NKAIN2: variants seen among roughly 807,000 people sequenced by gnomAD.
NKAIN2 encodes the protein sodium/potassium transporting ATPase interacting 2, also known as sodium/potassium-transporting ATPase subunit beta-1-interacting protein 2.
NKAIN2 carries 14 observed loss-of-function variants against 32.6 expected under a neutral mutation model. The observed-to-expected ratio is 0.43, with a 90% confidence interval of 0.28 to 0.67. The LOEUF is 0.67. Ranked by LOEUF, NKAIN2 falls within the 30% of genes least tolerant of loss-of-function variation. The probability of loss-of-function intolerance (pLI) is 0.17; values close to 1 mark genes in which losing one functional copy is unlikely to be tolerated. For synonymous variants in NKAIN2, 80 were observed against 87.2 expected, an observed-to-expected ratio of 0.92 and a Z score of 0.46; for missense variants, 198 against 258.3, an observed-to-expected ratio of 0.77 and a Z score of 1.60.
chr6:124,658,621 T>A, intron 4 of NKAIN2: 1 of 1,023,794 alleles, frequency 9.8e-7, no homozygotes, highest in Non-Finnish European at 1.4e-6. Flanking sequence ...GCATTTTACA[T>A]AGGAAATCCA....
In NKAIN2 at chr6:124,431,954, C is replaced by T. The variant is rs1259704738; in HGVS notation, c.273+76607C>T. On this transcript the variant is annotated intron_variant, in intron 3 of 6. Coordinates refer to ENST00000368417, the MANE Select transcript of NKAIN2 (RefSeq NM_001040214.3). Reference sequence around the variant, plus strand: ...GAAATATATCTGTAAAGGCCAGAATCGTTGTTCAGAAAGAAGACTTTGGGA... The same window carrying T: ...GAAATATATCTGTAAAGGCCAGAATTGTTGTTCAGAAAGAAGACTTTGGGA... Among the ~76,000 whole-genome samples, 7 of 152,094 alleles carry T rather than the reference C, an allele frequency of 4.6e-5. No homozygotes were observed. The East Asian group carries it at 7.7e-4, about 17-fold the overall frequency.
intron 5 of NKAIN2, among the ~76,000 whole-genome samples, chr6:124,807,797 G>A (rs1582559513): frequency 6.6e-6 from 1 of 150,546 alleles, no homozygotes; most frequent in Admixed American, 6.7e-5. Flanking sequence ...AATGATAAAG[G>A]GGATATCACC....
At chr6:123,858,993 T>C (rs1775671817) in intron 1 of NKAIN2, among the ~76,000 whole-genome samples, 1 of 152,326 alleles carries the variant, frequency 6.6e-6, no homozygotes, top group East Asian at 1.9e-4. Flanking sequence ...GTGTGTTTCA[T>C]TATATATGTG....
At position 124,517,911 on chromosome 6, in the gene NKAIN2, T is replaced by C. The variant is rs144154041; in HGVS notation, c.274-140275T>C. Reference sequence around the variant, plus strand: ...AGCTTTCTAGGAGATGTAAGTAACATTTGATTTGAAGTAATTTAAACCTTC... The same window carrying C: ...AGCTTTCTAGGAGATGTAAGTAACACTTGATTTGAAGTAATTTAAACCTTC... On this transcript the variant is annotated intron_variant, in intron 3 of 6. Transcript: ENST00000368417. 2.2e-3 allele frequency among the ~76,000 whole-genome samples: 329 copies of C among 152,230 alleles called. 2 individuals are homozygous for C. Among genetic ancestry groups the C allele is most frequent in the African/African-American group, 6.6e-3 (275 of 41,568 alleles).
chr6:124,640,478 A>G (rs1783943900), intron 3 of NKAIN2, among the ~76,000 whole-genome samples: 1 of 152,168 alleles, frequency 6.6e-6, no homozygotes, highest in Admixed American at 6.5e-5. Context: ...CAAAGCTCTT[A>G]GGGAAAGGAA....
intron 1 of NKAIN2, among the ~76,000 whole-genome samples, chr6:123,858,357 C>A (rs1254034144): frequency 6.6e-6 from 1 of 152,138 alleles, no homozygotes; most frequent in East Asian, 1.9e-4. Flanking sequence ...CTCAGGTGAT[C>A]TGCCCGCCTC....
intron 3 of NKAIN2, among the ~76,000 whole-genome samples, chr6:124,417,740 G>T (rs1016093665): frequency 6.6e-6 from 1 of 152,108 alleles, no homozygotes; most frequent in Non-Finnish European, 1.5e-5. Flanking sequence ...GAACAATGCT[G>T]TTTCCTCTGT....
At chr6:124,520,487 T>G (rs1779080895) in intron 3 of NKAIN2, among the ~76,000 whole-genome samples, 1 of 152,192 alleles carries the variant, frequency 6.6e-6, no homozygotes, top group Non-Finnish European at 1.5e-5. Context: ...ATTGAGGAAT[T>G]TATTTCAAAA....
chr6:123,859,826 G>C (rs1775711715), intron 1 of NKAIN2, among the ~76,000 whole-genome samples: 3 of 152,198 alleles, frequency 2.0e-5, no homozygotes, highest in Admixed American at 6.5e-5. Context: ...GAGTAGCTGG[G>C]ATTACAGGCA....
At chr6:124,568,424 C>T (rs1157332979) in intron 3 of NKAIN2, among the ~76,000 whole-genome samples, 1 of 152,106 alleles carries the variant, frequency 6.6e-6, no homozygotes, top group Non-Finnish European at 1.5e-5. Context: ...AAACATTTTA[C>T]ATATATCATA....
chr6:124,150,429 T>C (rs940288100), intron 1 of NKAIN2, among the ~76,000 whole-genome samples: 3 of 152,142 alleles, frequency 2.0e-5, no homozygotes, highest in African/African-American at 4.8e-5. Flanking sequence ...ATGCATGTAT[T>C]ATTTTATAAA....
intron 1 of NKAIN2, among the ~76,000 whole-genome samples, chr6:124,012,422 G>A (rs1022652608): frequency 2.1e-5 from 3 of 143,032 alleles, no homozygotes; most frequent in Admixed American, 7.5e-5. Context: ...TGCAAGCTCC[G>A]CCTCCCAGGT....
At chr6:124,073,158 T>A (rs1172040763) in intron 1 of NKAIN2, among the ~76,000 whole-genome samples, 1 of 152,200 alleles carries the variant, frequency 6.6e-6, no homozygotes, top group African/African-American at 2.4e-5. Context: ...ACTCTGAAGC[T>A]TGGATGGGCG....
chr6:123,804,003 G>T lies in NKAIN2; in HGVS notation c.-198G>T. On this transcript the variant is annotated 5_prime_UTR_variant, in exon 1 of 7. Transcript: ENST00000368417. ...AAGGTATGTGTGGCGGGCGCGGCTG[G>T]AGCTGCCGCCGCCGCCGCCGCCGCG... The T allele has an allele frequency of 3.3e-6, 2 of 597,762 alleles. No individual in the cohort carries two copies. Among genetic ancestry groups the T allele is most frequent in the South Asian group, 3.9e-5 (2 of 51,892 alleles). The allele number at this position is 597,762 out of a possible 1,614,324, so 37.0% of individuals were successfully genotyped here.
At chr6:124,128,163 A>G (rs1192973381) in intron 1 of NKAIN2, among the ~76,000 whole-genome samples, 4 of 151,892 alleles carry the variant, frequency 2.6e-5, no homozygotes, top group Admixed American at 2.6e-4. Flanking sequence ...CAGTTGGGAG[A>G]CCTGACAGTC....
chr6:124,768,569 A>G (rs1286500827), intron 4 of NKAIN2, among the ~76,000 whole-genome samples: 1 of 152,166 alleles, frequency 6.6e-6, no homozygotes, highest in Non-Finnish European at 1.5e-5. Flanking sequence ...CCTAAGCTAA[A>G]AATGCAATAT....
chr6:124,012,556 G>C (rs187183562), intron 1 of NKAIN2, among the ~76,000 whole-genome samples: 1 of 151,912 alleles, frequency 6.6e-6, no homozygotes, highest in Non-Finnish European at 1.5e-5. Context: ...GACTGGTCTC[G>C]AACTCCTGAC....
chr6:124,413,627 G>A (rs116415958), intron 3 of NKAIN2, among the ~76,000 whole-genome samples: 1,820 of 152,260 alleles, frequency 0.012, 29 homozygotes, highest in African/African-American at 0.042. Context: ...AAAGCTATCA[G>A]TAAAGTTTGG....
At chr6:124,460,683 C>T (rs1776497402) in intron 3 of NKAIN2, among the ~76,000 whole-genome samples, 1 of 151,518 alleles carries the variant, frequency 6.6e-6, no homozygotes, top group African/African-American at 2.4e-5. Flanking sequence ...TCTAAAATTT[C>T]ACCATGGTTT....
Sources: allele counts gnomAD v4.1 joint callset (sites outside exome capture counted in the v4.1 genomes callset), GRCh38; gene constraint gnomAD v4.1.1; transcripts MANE v1.5; gene names NCBI Gene and HGNC (gene_info 2026-07-23, HGNC 2026-07-21).